PCNP: variants seen among roughly 807,000 people sequenced by gnomAD.
PCNP encodes the protein PEST proteolytic signal containing nuclear protein, also known as PEST proteolytic signal-containing nuclear protein.
Under a neutral mutation model 21.8 loss-of-function variants are expected in PCNP, and 6 were observed. The ratio of observed to expected loss-of-function variants is 0.28; its 90% CI spans 0.15 to 0.54. The LOEUF (loss-of-function observed/expected upper bound fraction) is 0.54, where lower values mean the gene tolerates loss of function less well. PCNP is among the 20% of genes least tolerant of loss of function. PCNP has a pLI of 0.95. For missense variants in PCNP, 161 were observed against 215.5 expected, an observed-to-expected ratio of 0.75 and a Z score of 1.58; for synonymous variants, 67 against 73.2, an observed-to-expected ratio of 0.92 and a Z score of 0.43.
At chr3:101,575,440 C>A (rs929717691) in intron 1 of PCNP, among the ~76,000 whole-genome samples, 4 of 151,196 alleles carry the variant, frequency 2.6e-5, no homozygotes, top group African/African-American at 9.7e-5. Context: ...GTTAGTTAAG[C>A]TGGAACTCCA....
intron 2 of PCNP, 77 bp downstream of exon 2, chr3:101,580,081 A>G (rs1935144707): frequency 3.9e-6 from 4 of 1,016,916 alleles, no homozygotes; most frequent in South Asian, 2.6e-5. Flanking sequence ...TTACTAGGTT[A>G]TGGTAAATTA....
Position 101,594,023 on chromosome 3 carries a change from C to T in PCNP, c.*1270C>T, listed in dbSNP as rs1935940162. 2.6e-5 allele frequency: 4 copies of T among 152,416 alleles called. No homozygotes were observed. In the South Asian group the frequency reaches 8.3e-4, roughly 32 times the overall value. 9.4% of individuals were successfully genotyped at this position (152,416 alleles called of 1,614,324 possible). A position where few individuals can be genotyped will look rare whatever the true frequency, so the allele number is the denominator to read the frequency against. ...ACAAAAGCATACAGTATAAAAATTT[C>T]CTTGAAAACTCCTACAATATTATAT... On this transcript the variant is annotated 3_prime_UTR_variant, in exon 5 of 5. Transcript: ENST00000265260.
intron 3 of PCNP, among the ~76,000 whole-genome samples, chr3:101,587,808 G>A (rs995947580): frequency 6.6e-6 from 1 of 152,018 alleles, no homozygotes; most frequent in Non-Finnish European, 1.5e-5. Flanking sequence ...ACTGTAGGAG[G>A]GAAGAACGAT....
chr3:101,581,104 C>T (rs1229814282), intron 2 of PCNP, among the ~76,000 whole-genome samples: 5 of 152,096 alleles, frequency 3.3e-5, no homozygotes, highest in Non-Finnish European at 1.5e-5. Context: ...GAATCCCCAC[C>T]CTCACTCTGC....
At chr3:101,576,626 G>A in intron 1 of PCNP, 1 of 1,611,418 alleles carries the variant, frequency 6.2e-7, no homozygotes, top group African/African-American at 1.3e-5. Context: ...AGGTCTTCAC[G>A]GAGCTTGTTG....
chr3:101,593,242 C>T lies in PCNP; in HGVS notation c.*489C>T, dbSNP rs1935907444. ...GAAAGTAAATTTAGATAAAATACAG[C>T]TTTTTTCCTTATGGGCATTTGTTTT... On this transcript the variant is annotated 3_prime_UTR_variant, in exon 5 of 5. Transcript: ENST00000265260. 1 of 152,528 alleles carries T rather than the reference C, an allele frequency of 6.6e-6. No individual in the cohort carries two copies. Among genetic ancestry groups the T allele is most frequent in the African/African-American group, 2.4e-5 (1 of 41,424 alleles). The allele number at this position is 152,528 out of a possible 1,614,324, so 9.4% of individuals were successfully genotyped here. A position where few individuals can be genotyped will look rare whatever the true frequency, so the allele number is the denominator to read the frequency against.
chr3:101,587,296 G>C (rs773738662), intron 3 of PCNP, among the ~76,000 whole-genome samples: 1 of 151,922 alleles, frequency 6.6e-6, no homozygotes, highest in African/African-American at 2.4e-5. Context: ...TCAATTTTCA[G>C]GTCACAAGCA....
intron 1 of PCNP, among the ~76,000 whole-genome samples, chr3:101,579,383 T>C (rs1935107772): frequency 6.6e-6 from 1 of 152,162 alleles, no homozygotes; most frequent in African/African-American, 2.4e-5. Flanking sequence ...AATATTAAAA[T>C]TTATTAGCCA....
In PCNP at chr3:101,593,334, GAT is replaced by G. The variant is rs2108296413; in HGVS notation, c.*582_*583del. 1 of 152,556 alleles carries G rather than the reference GAT, an allele frequency of 6.6e-6. No homozygotes were observed. The highest frequency in any genetic ancestry group is 1.9e-4 in the East Asian group (1 of 5,176). 9.5% of individuals were successfully genotyped at this position (152,556 alleles called of 1,614,324 possible). On this transcript the variant is annotated 3_prime_UTR_variant, in exon 5 of 5. Coordinates refer to ENST00000265260, the MANE Select transcript of PCNP (RefSeq NM_020357.3). ...GGATACAGACGCTTAGCTCTTAAAA[GAT>G]TTTTTTTTTATGTAAACTGTTGAAT...
rs553040500 is a variant in PCNP, at chr3:101,577,060, C to T, written c.65-2730C>T. 2.8e-4 allele frequency: 188 copies of T among 682,476 alleles called. 1 individual carries two copies. In the South Asian group the frequency reaches 2.8e-3, roughly 10 times the overall value. The allele number at this position is 682,476 out of a possible 1,614,324, so 42.3% of individuals were successfully genotyped here. On this transcript the variant is annotated intron_variant, in intron 1 of 4. Transcript: ENST00000265260. ...TAGAATGGTCTCAATCTCTTGACCTCGTGATCCGCCCGCCTCGGCCTCCCG... is the reference window on the plus strand; with the variant it reads ...TAGAATGGTCTCAATCTCTTGACCTTGTGATCCGCCCGCCTCGGCCTCCCG...
At chr3:101,589,984 ATGTT>A (rs1409629766) in intron 3 of PCNP, 4 of 473,668 alleles carry the variant, frequency 8.4e-6, no homozygotes, top group Non-Finnish European at 1.1e-5. Flanking sequence ...TAGTTCTAGA[ATGTT>A]TGTTTTTTCA....
intron 2 of PCNP, 59 bp downstream of exon 2, chr3:101,580,063 CGTG>C (rs1371278124): frequency 1.5e-5 from 19 of 1,262,362 alleles, no homozygotes; most frequent in Non-Finnish European, 2.1e-5. Context: ...GCTTTGGAAA[CGTG>C]GCGTTTACTA....
At chr3:101,576,709 G>A in intron 1 of PCNP, 1 of 1,611,870 alleles carries the variant, frequency 6.2e-7, no homozygotes, top group Non-Finnish European at 8.5e-7. Flanking sequence ...GAACCAGTCT[G>A]GGATCTTGTA....
intron 1 of PCNP, among the ~76,000 whole-genome samples, chr3:101,578,896 T>G (rs1474992143): frequency 1.3e-5 from 2 of 152,144 alleles, no homozygotes; most frequent in Non-Finnish European, 2.9e-5. Context: ...AAAATAAAAG[T>G]TTTAATCATC....
At chr3:101,586,603 G>GAGAGAGAGAGAGAGAGTTTCTTGTTTC (rs1935539375) in intron 3 of PCNP, among the ~76,000 whole-genome samples, 17 of 136,410 alleles carry the variant, frequency 1.2e-4, no homozygotes, top group Non-Finnish European at 1.4e-4. Flanking sequence ...TCTTGTTTCA[G>GAGAGAGAGAGAGAGAGTTTCTTGTTTC]AGAGAGAGAG....
At chr3:101,575,099 C>T (rs16844073) in intron 1 of PCNP, among the ~76,000 whole-genome samples, 6,638 of 152,226 alleles carry the variant, frequency 0.044, 237 homozygotes, top group Non-Finnish European at 0.07. Context: ...TCCCTAAATT[C>T]GGGTCTTGTG....
intron 2 of PCNP, among the ~76,000 whole-genome samples, chr3:101,581,483 G>GA: frequency 6.6e-6 from 1 of 151,772 alleles, no homozygotes; most frequent in East Asian, 1.9e-4. Flanking sequence ...ATCCAAGCTG[G>GA]AGTGCAATGG....
At position 101,582,504 on chromosome 3, in the gene PCNP, G is replaced by A. The variant is rs188180480; in HGVS notation, c.279+2500G>A. ...GTCTTATTGGGAGGGTGAGGTGTAG[G>A]ATATTAAAAAAAAATTGAAATTGCT... On this transcript the variant is annotated intron_variant, in intron 2 of 4. Transcript: ENST00000265260. 1.1e-4 allele frequency among the ~76,000 whole-genome samples: 17 copies of A among 152,022 alleles called. No individual in the cohort carries two copies. The East Asian group carries it at 3.3e-3, about 29-fold the overall frequency.
At chr3:101,591,878 C>T (rs1935829672) in intron 4 of PCNP, among the ~76,000 whole-genome samples, 1 of 147,402 alleles carries the variant, frequency 6.8e-6, no homozygotes, top group Admixed American at 6.9e-5. Flanking sequence ...CTCAGGCAAT[C>T]CTCCCACCTC....
Sources: gnomAD v4.1 joint callset for allele counts (sites outside exome capture counted in the v4.1 genomes callset) on GRCh38, gnomAD v4.1.1 for gene constraint, MANE v1.5 for transcripts, NCBI Gene and HGNC (gene_info 2026-07-23, HGNC 2026-07-21) for gene names.